The following PDE1C variants were observed in gnomAD, a reference collection of about 807,000 sequenced individuals.
PDE1C encodes the protein phosphodiesterase 1C, also known as dual specificity calcium/calmodulin-dependent 3',5'-cyclic nucleotide phosphodiesterase 1C.
Under a neutral mutation model 93.1 loss-of-function variants are expected in PDE1C, and 62 were observed. The ratio of observed to expected loss-of-function variants is 0.67; its 90% CI spans 0.54 to 0.82. PDE1C has a LOEUF of 0.82. Among genes scored for constraint, PDE1C ranks in the 40% least tolerant of loss-of-function variants. The pLI is 0.00. For missense variants in PDE1C, 742 were observed against 884.6 expected (o/e 0.84, Z 2.04); for synonymous variants, 325 against 310.1 (o/e 1.05, Z -0.50).
chr7:32,207,372 A>G (rs1278255063), intron 2 of PDE1C, among the ~76,000 whole-genome samples: 3 of 150,056 alleles, frequency 2.0e-5, no homozygotes, highest in Non-Finnish European at 4.4e-5. Flanking sequence ...AAAAAAAAAA[A>G]CTTATCATCC....
At chr7:32,125,210 A>G (rs1379137234) in intron 3 of PDE1C, among the ~76,000 whole-genome samples, 5 of 152,246 alleles carry the variant, frequency 3.3e-5, no homozygotes, top group African/African-American at 1.2e-4. Flanking sequence ...TTAAAAAGTC[A>G]AGAAACAATA....
At chr7:32,165,665 G>C (rs1802201584) in intron 3 of PDE1C, among the ~76,000 whole-genome samples, 1 of 151,620 alleles carries the variant, frequency 6.6e-6, no homozygotes, top group East Asian at 1.9e-4. Context: ...GCCCCCAAAA[G>C]CCAGTTACCT....
intron 2 of PDE1C, among the ~76,000 whole-genome samples, chr7:31,981,666 T>C (rs1812393133): frequency 1.3e-5 from 2 of 152,246 alleles, no homozygotes; most frequent in African/African-American, 2.4e-5. Flanking sequence ...TTTAAAGCAC[T>C]TTTTCTAGAC....
chr7:32,071,679 G>C (rs909618348), upstream of PDE1C, among the ~76,000 whole-genome samples: 47 of 152,298 alleles, frequency 3.1e-4, no homozygotes, highest in Admixed American at 5.2e-4. Flanking sequence ...TCACTGTCAG[G>C]GTTCCCCTAG....
At chr7:31,846,367 C>T (rs1223309721) in intron 9 of PDE1C, among the ~76,000 whole-genome samples, 1 of 150,712 alleles carries the variant, frequency 6.6e-6, no homozygotes, top group Non-Finnish European at 1.5e-5. Flanking sequence ...CTGACAAAAA[C>T]AAGCTATGGG....
intron 16 of PDE1C, among the ~76,000 whole-genome samples, chr7:31,801,917 G>A (rs1786102530): frequency 6.6e-6 from 1 of 151,414 alleles, no homozygotes; most frequent in South Asian, 2.1e-4. Flanking sequence ...TGCGATACAA[G>A]TGTAATTTTG....
In PDE1C at chr7:32,007,685, T is replaced by C. The variant is rs368228070; in HGVS notation, c.128+43869A>G. Among the ~76,000 whole-genome samples, 17 of 152,350 alleles carry C rather than the reference T, an allele frequency of 1.1e-4. 3 individuals carry two copies. The highest frequency in any genetic ancestry group is 6.5e-5 in the Admixed American group (1 of 15,304). On this transcript the variant is annotated intron_variant, in intron 2 of 17. Transcript: ENST00000396191. ...TCCCAATTAGCCTTATTGTTCTCCA[T>C]AGCATTGAGCACAACTAGTCATTCC... is the stretch of plus-strand genomic sequence containing the variant.
At chr7:31,843,243 A>C (rs1178509094) in intron 9 of PDE1C, among the ~76,000 whole-genome samples, 1 of 151,880 alleles carries the variant, frequency 6.6e-6, no homozygotes, top group East Asian at 1.9e-4. Flanking sequence ...AAATCCTCTT[A>C]GGTCCTTAGT....
the PDE1C span, among the ~76,000 whole-genome samples, chr7:31,631,413 A>G: frequency 6.6e-6 from 1 of 152,248 alleles, no homozygotes; most frequent in Admixed American, 6.5e-5. Context: ...AATGTGCACA[A>G]ACAAAATGCC....
intron 2 of PDE1C, among the ~76,000 whole-genome samples, chr7:31,962,877 C>G (rs1006500195): frequency 2.0e-5 from 3 of 152,222 alleles, no homozygotes; most frequent in Non-Finnish European, 4.4e-5. Flanking sequence ...ATACGAGAAC[C>G]AAGACAAGCT....
In PDE1C at chr7:32,268,324, C is replaced by G. The variant is rs181231456; in HGVS notation, c.85+30327G>C. Reference sequence around the variant, plus strand: ...ACTGCTGTGTTGGCCCCATCGCTTACTGACCCCTTGGCTGTGAGCAAATCA... The same window carrying G: ...ACTGCTGTGTTGGCCCCATCGCTTAGTGACCCCTTGGCTGTGAGCAAATCA... On this transcript the variant is annotated intron_variant, in intron 1 of 18. Coordinates refer to the PDE1C transcript ENST00000396193. Among the ~76,000 whole-genome samples the G allele has an allele frequency of 1.6e-4, 24 of 152,326 alleles. No homozygotes were observed. The South Asian group carries it at 3.7e-3, about 24-fold the overall frequency.
the PDE1C span, among the ~76,000 whole-genome samples, chr7:31,620,872 G>A: frequency 1.8e-4 from 27 of 152,098 alleles, no homozygotes; most frequent in Admixed American, 1.5e-3. Flanking sequence ...AAATTTAGAC[G>A]AATGTATAAC....
downstream of PDE1C, among the ~76,000 whole-genome samples, chr7:31,747,534 GA>G (rs994794055): frequency 7.9e-5 from 12 of 151,180 alleles, no homozygotes; most frequent in African/African-American, 2.2e-4. Context: ...CTCCTGCACA[GA>G]AAAAAAAATC....
intron 7 of PDE1C, among the ~76,000 whole-genome samples, chr7:31,856,572 G>A (rs1323381714): frequency 6.6e-6 from 1 of 152,076 alleles, no homozygotes; most frequent in Non-Finnish European, 1.5e-5. Flanking sequence ...TGCACAATAG[G>A]TGTGTTGAAT....
chr7:32,196,500 A>C (rs1439875843), intron 2 of PDE1C, among the ~76,000 whole-genome samples: 8 of 147,190 alleles, frequency 5.4e-5, no homozygotes, highest in Non-Finnish European at 4.5e-5. Context: ...CTTGGGTCCC[A>C]AGTCGTCTAG....
chr7:31,889,864 C>T (rs1325715106), intron 2 of PDE1C, among the ~76,000 whole-genome samples: 1 of 152,156 alleles, frequency 6.6e-6, no homozygotes, highest in Non-Finnish European at 1.5e-5. Context: ...AAATGCAGTA[C>T]TTTAGAAAGG....
chr7:32,377,491 G>A (rs1405633391), intron 1 of PDE1C, among the ~76,000 whole-genome samples: 5 of 152,130 alleles, frequency 3.3e-5, no homozygotes, highest in Non-Finnish European at 5.9e-5. Context: ...AGTTTTTGGC[G>A]TATCTCTTTA....
At chr7:32,059,001 C>T (rs1794472629) in intron 1 of PDE1C, among the ~76,000 whole-genome samples, 1 of 151,678 alleles carries the variant, frequency 6.6e-6, no homozygotes, top group South Asian at 2.1e-4. Context: ...CTTGAACAGC[C>T]CAATCATTAG....
intron 1 of PDE1C, among the ~76,000 whole-genome samples, chr7:32,383,179 A>G (rs1359202606): frequency 6.6e-6 from 1 of 152,252 alleles, no homozygotes; most frequent in Non-Finnish European, 1.5e-5. Flanking sequence ...CTTACTAAAA[A>G]TCATAAGAGA....
Sources: allele counts gnomAD v4.1 joint callset (sites outside exome capture counted in the v4.1 genomes callset), GRCh38; gene constraint gnomAD v4.1.1; transcripts MANE v1.5; gene names NCBI Gene and HGNC (gene_info 2026-07-23, HGNC 2026-07-21).